HTR4: variants seen among roughly 807,000 people sequenced by gnomAD.
The protein encoded by HTR4 is 5-hydroxytryptamine (serotonin) receptor 4, G protein-coupled.
A neutral mutation model predicts 36.8 loss-of-function variants in HTR4; 16 were observed. The observed-to-expected ratio is 0.43, with a 90% CI of 0.29 to 0.66. The LOEUF (loss-of-function observed/expected upper bound fraction) is 0.66. Ranked by LOEUF, HTR4 falls within the 30% of genes least tolerant of loss-of-function variation. The pLI is 0.13. For synonymous variants in HTR4, 189 were observed against 185.1 expected (o/e 1.02, Z -0.17); for missense variants, 438 against 490.9 (o/e 0.89, Z 1.02).
intron 4 of HTR4, among the ~76,000 whole-genome samples, chr5:148,537,612 T>C (rs1015741644): frequency 6.6e-6 from 1 of 152,066 alleles, no homozygotes; most frequent in Admixed American, 6.6e-5. Flanking sequence ...AAGACCTCTA[T>C]GCACACTAAC....
intron 5 of HTR4, among the ~76,000 whole-genome samples, chr5:148,518,892 G>C (rs1206579960): frequency 6.6e-6 from 1 of 152,148 alleles, no homozygotes; most frequent in Admixed American, 6.5e-5. Context: ...GAAGGTGAAT[G>C]TCATGTGTAA....
intron 4 of HTR4, among the ~76,000 whole-genome samples, chr5:148,541,561 T>G (rs1211678290): frequency 1.3e-5 from 2 of 152,172 alleles, no homozygotes; most frequent in African/African-American, 2.4e-5. Flanking sequence ...CAACAGTCAT[T>G]GGAGAAGGCG....
chr5:148,477,010 A>G (rs949693288), downstream of HTR4, among the ~76,000 whole-genome samples: 5 of 152,272 alleles, frequency 3.3e-5, no homozygotes, highest in African/African-American at 7.2e-5. Context: ...CATATTCTGG[A>G]AGAAAAACTC....
chr5:148,531,533 A>T (rs2113813452), intron 4 of HTR4, among the ~76,000 whole-genome samples: 1 of 152,232 alleles, frequency 6.6e-6, no homozygotes, highest in South Asian at 2.1e-4. Context: ...CAAATTGCCA[A>T]GTCTTCAGTA....
At chr5:148,624,773 T>C (rs182947920) in intron 2 of HTR4, among the ~76,000 whole-genome samples, 18 of 152,302 alleles carry the variant, frequency 1.2e-4, no homozygotes, top group South Asian at 2.1e-4. Flanking sequence ...TGGTTATTAA[T>C]ATCCACTGGG....
intron 5 of HTR4, among the ~76,000 whole-genome samples, chr5:148,456,494 C>A (rs899152126): frequency 2.6e-5 from 4 of 152,148 alleles, no homozygotes; most frequent in African/African-American, 7.2e-5. Flanking sequence ...GTACTGCAGG[C>A]AAACCGAATA....
At chr5:148,620,197 G>A (rs1752864256) in intron 2 of HTR4, among the ~76,000 whole-genome samples, 1 of 152,234 alleles carries the variant, frequency 6.6e-6, no homozygotes, top group South Asian at 2.1e-4. Flanking sequence ...GGGAAGAAAA[G>A]TCAGAGGTTG....
rs56021250 is a variant in HTR4, at chr5:148,540,400, GTATATATATATATATATATATATATATA to G, written c.353+8240_353+8267del. Among the ~76,000 whole-genome samples, 51 of 74,286 alleles carry G rather than the reference GTATATATATATATATATATATATATATA, an allele frequency of 6.9e-4. 3 individuals carry two copies. Among genetic ancestry groups the G allele is most frequent in the African/African-American group, 2.0e-3 (30 of 15,112 alleles). 48.7% of individuals were successfully genotyped at this position (74,286 alleles called of 152,430 possible). ...ATTTTAGGTTTTATTTTATGTGTGTGTATATATATATATATATATATATATATATATATATATATATATATATAATCTT... is the reference window on the plus strand; with the variant it reads ...ATTTTAGGTTTTATTTTATGTGTGTGTATATATATATATATATATAATCTT... On this transcript the variant is annotated intron_variant, in intron 4 of 6. Transcript: ENST00000377888.
At chr5:148,593,748 A>G (rs917396804) in intron 2 of HTR4, among the ~76,000 whole-genome samples, 1 of 152,210 alleles carries the variant, frequency 6.6e-6, no homozygotes, top group Non-Finnish European at 1.5e-5. Flanking sequence ...CAAAATAAAA[A>G]TAAAACCTTG....
intron 2 of HTR4, among the ~76,000 whole-genome samples, chr5:148,570,472 A>G (rs966526847): frequency 1.3e-5 from 2 of 152,150 alleles, no homozygotes; most frequent in Non-Finnish European, 2.9e-5. Flanking sequence ...TGAGGAGATG[A>G]TAATTGAGCT....
chr5:148,549,757 A>G (rs980788467), intron 3 of HTR4, among the ~76,000 whole-genome samples: 1 of 147,906 alleles, frequency 6.8e-6, no homozygotes, highest in African/African-American at 2.4e-5. Context: ...GTTGAGACTG[A>G]TGAAGTAGAA....
chr5:148,567,404 A>G (rs1044929318), intron 2 of HTR4, among the ~76,000 whole-genome samples: 4 of 152,158 alleles, frequency 2.6e-5, no homozygotes, highest in Non-Finnish European at 5.9e-5. Context: ...TCTATGTGCT[A>G]CACAAAATCT....
chr5:148,452,957 G>T (rs1281534566), intron 5 of HTR4, among the ~76,000 whole-genome samples: 1 of 152,196 alleles, frequency 6.6e-6, no homozygotes, highest in Non-Finnish European at 1.5e-5. Context: ...TTGCGTACTT[G>T]GCTTTGCCAT....
chr5:148,533,450 G>A (rs1174081079), intron 4 of HTR4, among the ~76,000 whole-genome samples: 3 of 152,196 alleles, frequency 2.0e-5, no homozygotes, highest in Non-Finnish European at 4.4e-5. Flanking sequence ...AAATGTCTCT[G>A]GGGACACAAT....
intron 5 of HTR4, among the ~76,000 whole-genome samples, chr5:148,516,412 T>C (rs1046030475): frequency 1.4e-5 from 2 of 144,808 alleles, no homozygotes; most frequent in South Asian, 2.3e-4. Flanking sequence ...CTCCACCTCA[T>C]GGGTTCAAGC....
chr5:148,605,939 T>G (rs571615294), intron 2 of HTR4, among the ~76,000 whole-genome samples: 2 of 152,302 alleles, frequency 1.3e-5, no homozygotes, highest in East Asian at 3.9e-4. Flanking sequence ...TCCTACTATA[T>G]GTCAGGATCT....
intron 6 of HTR4, among the ~76,000 whole-genome samples, chr5:148,499,999 G>A (rs753891249): frequency 9.9e-5 from 15 of 152,088 alleles, no homozygotes; most frequent in African/African-American, 1.4e-4. Context: ...TGCCATGCTC[G>A]TACAGCCTGT....
chr5:148,493,004 C>T (rs1756528842), intron 6 of HTR4, among the ~76,000 whole-genome samples: 1 of 152,214 alleles, frequency 6.6e-6, no homozygotes. Context: ...TAGAAGTGGG[C>T]ATCCTGGAAA....
downstream of HTR4, chr5:148,481,492 G>T (rs1197864557): frequency 2.2e-6 from 3 of 1,359,248 alleles, no homozygotes; most frequent in Non-Finnish European, 2.0e-6. Flanking sequence ...CCTAAAACAT[G>T]ACTTTCTCCC....
Sources: allele counts gnomAD v4.1 joint callset (sites outside exome capture counted in the v4.1 genomes callset), GRCh38; gene constraint gnomAD v4.1.1; transcripts MANE v1.5; gene names NCBI Gene and HGNC (gene_info 2026-07-23, HGNC 2026-07-21).